The following ZFHX3 variants were observed in gnomAD, a reference collection of about 807,000 sequenced individuals.
ZFHX3 encodes zinc finger homeobox protein 3.
A neutral mutation model predicts 279.1 loss-of-function variants in ZFHX3; 42 were observed. The ratio of observed to expected loss-of-function variants is 0.15; its 90% CI spans 0.12 to 0.19. The LOEUF (loss-of-function observed/expected upper bound fraction) is 0.19. ZFHX3 is among the 10% of genes least tolerant of loss of function. The pLI, the probability that ZFHX3 is intolerant of heterozygous loss-of-function variation, is 1.00. For missense variants in ZFHX3, 4,981 were observed against 4,754.0 expected (o/e 1.05, Z -1.40); for synonymous variants, 2,293 against 1,957.8 (o/e 1.17, Z -4.52).
chr16:73,528,131 A>T (rs946734893), intron 2 of ZFHX3, among the ~76,000 whole-genome samples: 6 of 152,322 alleles, frequency 3.9e-5, no homozygotes, highest in Admixed American at 6.5e-5. Context: ...GAGCTTTGAC[A>T]TATGGGAAAC....
At position 72,788,269 on chromosome 16, in the gene ZFHX3, T is replaced by A. The variant is rs145614252; in HGVS notation, c.10007A>T (p.Tyr3336Phe). 1.2e-6 allele frequency: 2 copies of A among 1,614,036 alleles called. No homozygotes were observed. Among genetic ancestry groups the A allele is most frequent in the African/African-American group, 2.7e-5 (2 of 74,932 alleles). ...GTAGGGGAACAGGCCTTCCATGCCA[T>A]ACATAGGCTGCAGGTACCCGCTCTG... ...ALQSGYLQPMYGMEGLFPYSP... is the reference protein window; with the variant it reads ...ALQSGYLQPMFGMEGLFPYSP... Residue 3336 changes from tyrosine (Y) to phenylalanine (F), a missense_variant, in exon 10 of 10, where the codon TAT becomes TTT. This residue lies in a region of ZFHX3 where 1,034 missense variants were observed against 786.0 expected (regional missense o/e 1.32). Coordinates refer to ENST00000268489, the MANE Select transcript of ZFHX3 (RefSeq NM_006885.4).
intron 1 of ZFHX3, among the ~76,000 whole-genome samples, chr16:73,886,244 TA>T (rs768483379): frequency 1.1e-3 from 173 of 151,240 alleles, no homozygotes; most frequent in South Asian, 3.5e-3. Flanking sequence ...TACTATAAAT[TA>T]AATATTTAAA....
intron 1 of ZFHX3, among the ~76,000 whole-genome samples, chr16:73,879,083 C>G (rs1157829943): frequency 1.2e-4 from 18 of 151,686 alleles, no homozygotes; most frequent in Admixed American, 1.2e-3. Context: ...CTTCCAACTT[C>G]TCTTGAGGAC....
intron 4 of ZFHX3, among the ~76,000 whole-genome samples, chr16:72,832,013 C>T (rs1048113825): frequency 6.6e-6 from 1 of 152,090 alleles, no homozygotes; most frequent in East Asian, 1.9e-4. Context: ...GCTCAATGGC[C>T]TCTCATCTCT....
chr16:72,809,821 C>T (rs2036385329), intron 7 of ZFHX3: 1 of 151,522 alleles, frequency 6.6e-6, no homozygotes, highest in African/African-American at 2.4e-5. Flanking sequence ...TAAAATAATG[C>T]TAAGAAAGAG....
In ZFHX3 at chr16:73,191,800, G is replaced by A. The variant is rs1968042320; in HGVS notation, c.-1103-47969C>T. Among the ~76,000 whole-genome samples the A allele has an allele frequency of 3.9e-5, 6 of 152,254 alleles. No individual in the cohort carries two copies. In the South Asian group the frequency reaches 1.0e-3, roughly 26 times the overall value. On this transcript the variant is annotated intron_variant, in intron 5 of 17. Transcript: ENST00000641206. ...AGGTACCTGCACTGGGCTGCCCTGGGAATCTCTTAAAAGAGGGGAAGGAGA... is the reference window on the plus strand; with the variant it reads ...AGGTACCTGCACTGGGCTGCCCTGGAAATCTCTTAAAAGAGGGGAAGGAGA...
intron 7 of ZFHX3, among the ~76,000 whole-genome samples, chr16:73,104,221 G>GTATGTATGTATT (rs57972353): frequency 3.3e-5 from 5 of 151,506 alleles, no homozygotes; most frequent in African/African-American, 1.2e-4. Context: ...TTTATTTTAT[G>GTATGTATGTATT]TATTTATTTA....
intron 1 of ZFHX3, among the ~76,000 whole-genome samples, chr16:73,728,023 C>CG (rs1555535450): frequency 9.2e-6 from 1 of 109,164 alleles, no homozygotes; most frequent in Admixed American, 1.1e-4. Flanking sequence ...GTGCCCCCCC[C>CG]CCGCCCCCAA....
At chr16:72,878,626 GGA>G (rs1180931003) in intron 4 of ZFHX3, among the ~76,000 whole-genome samples, 1 of 152,226 alleles carries the variant, frequency 6.6e-6, no homozygotes, top group Non-Finnish European at 1.5e-5. Flanking sequence ...TTTCTATCCT[GGA>G]GAGAATCCAG....
chr16:72,843,367 CG>C (rs2037393664), intron 4 of ZFHX3, among the ~76,000 whole-genome samples: 1 of 151,840 alleles, frequency 6.6e-6, no homozygotes, highest in Non-Finnish European at 1.5e-5. Flanking sequence ...AAAAATTAGC[CG>C]GGCGTGGTGG....
chr16:73,179,321 A>C (rs891578173), intron 5 of ZFHX3, among the ~76,000 whole-genome samples: 6 of 152,164 alleles, frequency 3.9e-5, no homozygotes, highest in Non-Finnish European at 8.8e-5. Flanking sequence ...TACAAGTAAC[A>C]CAAGTAGCTT....
At chr16:73,231,262 G>A (rs937888218) in intron 5 of ZFHX3, among the ~76,000 whole-genome samples, 1 of 152,212 alleles carries the variant, frequency 6.6e-6, no homozygotes, top group Non-Finnish European at 1.5e-5. Context: ...GCAGGAGAAA[G>A]CCATCTATAT....
intron 4 of ZFHX3, among the ~76,000 whole-genome samples, chr16:73,317,373 G>T (rs1014177018): frequency 6.6e-6 from 1 of 151,966 alleles, no homozygotes; most frequent in African/African-American, 2.4e-5. Flanking sequence ...AATGTTACCC[G>T]GCAGAGTCAC....
At chr16:73,577,493 A>G (rs1464775336) in intron 2 of ZFHX3, among the ~76,000 whole-genome samples, 3 of 152,212 alleles carry the variant, frequency 2.0e-5, no homozygotes, top group African/African-American at 7.2e-5. Flanking sequence ...TAAATTGTAT[A>G]GCTATAGAAT....
At position 72,785,750 on chromosome 16, in the gene ZFHX3, A is replaced by ATCCTT. The variant is rs142109181; in HGVS notation, c.*1409_*1413dup. On this transcript the variant is annotated 3_prime_UTR_variant, in exon 10 of 10. Coordinates refer to ENST00000268489, the MANE Select transcript of ZFHX3 (RefSeq NM_006885.4). ...CAGCCAATTACACAAATGGAAACAA[A>ATCCTT]TCCTTTAGTATAGAAAAAAAAAGAA... 0.04 allele frequency: 6,026 copies of ATCCTT among 152,174 alleles called. 161 individuals carry two copies. The highest frequency in any genetic ancestry group is 0.056 in the Non-Finnish European group (3,784 of 68,000). The allele number at this position is 152,174 out of a possible 1,614,324, so 9.4% of individuals were successfully genotyped here.
intron 1 of ZFHX3, among the ~76,000 whole-genome samples, chr16:73,731,178 G>T (rs1035192240): frequency 2.0e-5 from 3 of 152,192 alleles, no homozygotes; most frequent in Non-Finnish European, 4.4e-5. Flanking sequence ...GTGAAGACTT[G>T]TCTGCGTGTA....
rs138755111 is a variant in ZFHX3 at position 73,426,788 on chromosome 16, T to TA, written c.-1291+29214dup. ...AAGCAGTCACTGCATACTCAAAAGA[T>TA]ACACCTTGAAGATTCTTTTTGCATC... On this transcript the variant is annotated intron_variant, in intron 3 of 17. Coordinates refer to the ZFHX3 transcript ENST00000641206. Among the ~76,000 whole-genome samples, 1,043 of 152,338 alleles carry TA rather than the reference T, an allele frequency of 6.8e-3. 16 individuals carry two copies. Among genetic ancestry groups the TA allele is most frequent in the African/African-American group, 0.024 (992 of 41,578 alleles).
chr16:73,581,777 T>G (rs1478271338), intron 2 of ZFHX3, among the ~76,000 whole-genome samples: 1 of 150,548 alleles, frequency 6.6e-6, no homozygotes, highest in Non-Finnish European at 1.5e-5. Context: ...TTCAACCGAT[T>G]TTCCTGTCTC....
Position 73,283,245 on chromosome 16 carries a change from G to A in ZFHX3, c.-1193-26109C>T, listed in dbSNP as rs188352864. ...ATTTACCGATGTTATTCTCATCCTC[G>A]TTTTGGTATTGCTTTCTGAGGTCAT... On this transcript the variant is annotated intron_variant, in intron 4 of 17. Transcript: ENST00000641206. Among the ~76,000 whole-genome samples the A allele has an allele frequency of 6.2e-4, 95 of 152,184 alleles. 1 individual carries two copies. Among genetic ancestry groups the A allele is most frequent in the African/African-American group, 2.2e-3 (91 of 41,528 alleles).
Sources: allele counts gnomAD v4.1 joint callset (sites outside exome capture counted in the v4.1 genomes callset), GRCh38; gene constraint gnomAD v4.1.1; regional missense constraint gnomAD v4.1.1; transcripts MANE v1.5; gene names NCBI Gene and HGNC (gene_info 2026-07-23, HGNC 2026-07-21).